Variants in GRM8 observed in about 807,000 individuals in gnomAD.
The protein encoded by GRM8 is glutamate metabotropic receptor 8, also known as metabotropic glutamate receptor 8.
Under a neutral mutation model 87.2 loss-of-function variants are expected in GRM8, and 47 were observed. That is an observed-to-expected ratio of 0.54 (90% CI 0.43 to 0.69). The LOEUF (loss-of-function observed/expected upper bound fraction) is 0.69, where lower values mean the gene tolerates loss of function less well. GRM8 is among the 30% of genes least tolerant of loss of function. The probability of loss-of-function intolerance (pLI) is 0.00; values close to 1 mark genes in which losing one functional copy is unlikely to be tolerated. For missense variants in GRM8, 1,019 were observed against 1,139.2 expected (o/e 0.89, Z 1.52); for synonymous variants, 396 against 404.5 (o/e 0.98, Z 0.25).
At chr7:127,120,354 T>A (rs1046230552) in intron 2 of GRM8, among the ~76,000 whole-genome samples, 14 of 152,220 alleles carry the variant, frequency 9.2e-5, no homozygotes, top group African/African-American at 3.1e-4. Context: ...GATATGTTCA[T>A]GTTGCAAAAG....
intron 2 of GRM8, among the ~76,000 whole-genome samples, chr7:127,125,672 A>G (rs1827322058): frequency 6.6e-6 from 1 of 151,932 alleles, no homozygotes; most frequent in Non-Finnish European, 1.5e-5. Flanking sequence ...TAACAGAGTG[A>G]ACAGATAACC....
At chr7:127,186,535 G>T (rs1356162726) in intron 2 of GRM8, among the ~76,000 whole-genome samples, 1 of 152,114 alleles carries the variant, frequency 6.6e-6, no homozygotes, top group African/African-American at 2.4e-5. Context: ...CCTTCCCCAA[G>T]TTCCTAGCAG....
intron 7 of GRM8, among the ~76,000 whole-genome samples, chr7:126,748,988 T>A (rs1243622523): frequency 1.3e-5 from 2 of 152,132 alleles, no homozygotes; most frequent in African/African-American, 2.4e-5. Flanking sequence ...TACCCTTCAC[T>A]GGCTAGGTAC....
At chr7:127,193,503 C>T (rs1040819955) in intron 2 of GRM8, among the ~76,000 whole-genome samples, 4 of 152,206 alleles carry the variant, frequency 2.6e-5, no homozygotes, top group Non-Finnish European at 5.9e-5. Flanking sequence ...CAGGACAAAG[C>T]TTCTAAGCAA....
intron 6 of GRM8, among the ~76,000 whole-genome samples, chr7:126,778,734 T>G (rs1819732799): frequency 6.6e-6 from 1 of 152,074 alleles, no homozygotes; most frequent in Non-Finnish European, 1.5e-5. Context: ...GGCCTGGAAA[T>G]TCCCACTTCA....
At chr7:127,042,688 AG>A (rs534586771) in intron 3 of GRM8, among the ~76,000 whole-genome samples, 8 of 152,228 alleles carry the variant, frequency 5.3e-5, no homozygotes, top group Non-Finnish European at 1.0e-4. Context: ...AATTCCATTC[AG>A]GACATAGGCA....
intron 2 of GRM8, among the ~76,000 whole-genome samples, chr7:127,221,282 C>A (rs1796911996): frequency 6.6e-6 from 1 of 152,168 alleles, no homozygotes. Flanking sequence ...CTCCTGTTAC[C>A]CAGGCCAGTG....
chr7:126,766,695 T>C (rs1267283500), intron 7 of GRM8, among the ~76,000 whole-genome samples: 5 of 152,150 alleles, frequency 3.3e-5, no homozygotes, highest in Non-Finnish European at 7.4e-5. Context: ...GCTCTGGTTC[T>C]AGTCAAGCAC....
At chr7:126,507,987 T>C (rs966547313) in intron 9 of GRM8, among the ~76,000 whole-genome samples, 1 of 152,010 alleles carries the variant, frequency 6.6e-6, no homozygotes, top group Non-Finnish European at 1.5e-5. Context: ...TCCACTGTTT[T>C]ACTCAAAGTA....
intron 2 of GRM8, among the ~76,000 whole-genome samples, chr7:127,191,707 G>A (rs1563569192): frequency 6.6e-6 from 1 of 152,120 alleles, no homozygotes; most frequent in Non-Finnish European, 1.5e-5. Flanking sequence ...TATTTTGCCT[G>A]TTAATATAAA....
intron 7 of GRM8, among the ~76,000 whole-genome samples, chr7:126,644,979 G>A (rs953768483): frequency 8.5e-5 from 13 of 152,220 alleles, no homozygotes; most frequent in East Asian, 1.9e-4. Context: ...CAGTGTTGAC[G>A]CCATCTTACT....
At chr7:126,612,251 A>C (rs1356898089) in intron 7 of GRM8, among the ~76,000 whole-genome samples, 1 of 152,170 alleles carries the variant, frequency 6.6e-6, no homozygotes, top group African/African-American at 2.4e-5. Context: ...AGAACATATA[A>C]ACTCAGTGAG....
intron 7 of GRM8, among the ~76,000 whole-genome samples, chr7:126,679,591 A>T (rs1462345776): frequency 6.6e-6 from 1 of 152,230 alleles, no homozygotes; most frequent in Non-Finnish European, 1.5e-5. Context: ...TAGGACCCAC[A>T]TTACTCAGCT....
At chr7:126,477,502 T>G (rs923163128) in intron 9 of GRM8, among the ~76,000 whole-genome samples, 1 of 151,326 alleles carries the variant, frequency 6.6e-6, no homozygotes, top group African/African-American at 2.4e-5. Context: ...ATCTTCAATA[T>G]ATATACTTTT....
At chr7:126,466,687 C>G (rs547104730) in intron 9 of GRM8, among the ~76,000 whole-genome samples, 1 of 151,818 alleles carries the variant, frequency 6.6e-6, no homozygotes, top group Non-Finnish European at 1.5e-5. Context: ...AAAAATCAGA[C>G]GCCCCAGCTC....
At chr7:126,577,028 C>T (rs909402974) in intron 8 of GRM8, among the ~76,000 whole-genome samples, 2 of 152,190 alleles carry the variant, frequency 1.3e-5, no homozygotes, top group East Asian at 1.9e-4. Context: ...CAAAGCTTAT[C>T]GTAGCTGTCC....
chr7:127,222,966 C>T (rs528924963), intron 2 of GRM8, among the ~76,000 whole-genome samples: 3 of 152,198 alleles, frequency 2.0e-5, no homozygotes, highest in East Asian at 1.9e-4. Context: ...AATTAATGGA[C>T]GTTCTCAAAA....
chr7:127,156,302 T>C (rs1792727147), intron 2 of GRM8, among the ~76,000 whole-genome samples: 1 of 152,116 alleles, frequency 6.6e-6, no homozygotes, highest in Non-Finnish European at 1.5e-5. Context: ...TGGGGTATAT[T>C]TGGGGCAGAG....
chr7:127,242,154 T>C (rs924343628), intron 2 of GRM8, among the ~76,000 whole-genome samples: 1 of 152,216 alleles, frequency 6.6e-6, no homozygotes, highest in African/African-American at 2.4e-5. Flanking sequence ...TTCTGCTCTA[T>C]TGTAGTTATA....
Sources: allele counts gnomAD v4.1 joint callset (sites outside exome capture counted in the v4.1 genomes callset), GRCh38; gene constraint gnomAD v4.1.1; transcripts MANE v1.5; gene names NCBI Gene and HGNC (gene_info 2026-07-23, HGNC 2026-07-21).